The following ASS1 variants were observed in gnomAD, a reference collection of about 807,000 sequenced individuals.
The protein encoded by ASS1 is argininosuccinate synthase.
In ASS1, 58 loss-of-function variants were observed where a neutral mutation model predicts 60.5. The observed-to-expected ratio is 0.96, with a 90% CI of 0.78 to 1.19. ASS1 has a LOEUF of 1.19. ASS1 is among the 50% of genes most tolerant of loss of function. The probability of loss-of-function intolerance (pLI) is 0.00; values close to 1 mark genes in which losing one functional copy is unlikely to be tolerated. For synonymous variants in ASS1, 200 were observed against 206.9 expected (o/e 0.97, Z 0.29); for missense variants, 454 against 547.3 (o/e 0.83, Z 1.70).
In ASS1 at chr9:130,470,913, C is replaced by A. The variant is rs1445034997; in HGVS notation, c.566+9C>A. Reference sequence around the variant, plus strand: ...AACCTCATGCACATCAGGTAAATCCCACCCTCCACCCATCCTTGGTCCTCC... The same window carrying A: ...AACCTCATGCACATCAGGTAAATCCAACCCTCCACCCATCCTTGGTCCTCC... On this transcript the variant is annotated intron_variant, in intron 7 of 14. Transcript: ENST00000352480. The surrounding 1 kb of genome is among the most constrained non-coding windows in gnomAD (Gnocchi z 4.3). The A allele has an allele frequency of 1.2e-6, 2 of 1,613,622 alleles. No homozygotes were observed. Among genetic ancestry groups the A allele is most frequent in the Non-Finnish European group, 1.7e-6 (2 of 1,179,704 alleles).
chr9:130,447,560 C>T (rs1845224213), intron 1 of ASS1, among the ~76,000 whole-genome samples: 1 of 152,236 alleles, frequency 6.6e-6, no homozygotes, highest in Non-Finnish European at 1.5e-5. Flanking sequence ...TGACGCGAGG[C>T]CACCTTCCCT....
intron 4 of ASS1, among the ~76,000 whole-genome samples, chr9:130,461,106 G>A (rs1845580294): frequency 6.6e-6 from 1 of 152,138 alleles, no homozygotes; most frequent in Non-Finnish European, 1.5e-5. Flanking sequence ...CAAGCCGAGG[G>A]CAGGGGATCA....
intron 8 of ASS1, among the ~76,000 whole-genome samples, chr9:130,472,117 G>A (rs1348855420): frequency 6.6e-6 from 1 of 152,180 alleles, no homozygotes; most frequent in African/African-American, 2.4e-5. Context: ...GGGAGGCAGG[G>A]CCAAATCTAT....
At chr9:130,457,444 C>G (rs1845472643) in intron 3 of ASS1, among the ~76,000 whole-genome samples, 1 of 152,128 alleles carries the variant, frequency 6.6e-6, no homozygotes, top group Non-Finnish European at 1.5e-5. Flanking sequence ...GCACTCCAGT[C>G]TGGATGACAG....
chr9:130,496,710 G>A (rs78577407), intron 13 of ASS1, among the ~76,000 whole-genome samples: 157 of 152,284 alleles, frequency 1.0e-3, no homozygotes, highest in African/African-American at 3.3e-3. Context: ...GGGCCCTGGT[G>A]AGCCAGGGCA....
rs760904592 is a variant in ASS1, at chr9:130,470,548, G to A, written c.496-286G>A. 2.4e-4 allele frequency among the ~76,000 whole-genome samples: 36 copies of A among 152,334 alleles called. No homozygotes were observed. Among genetic ancestry groups the A allele is most frequent in the Non-Finnish European group, 4.7e-4 (32 of 68,030 alleles). On this transcript the variant is annotated intron_variant, in intron 6 of 14. Transcript: ENST00000352480. The surrounding 1 kb of genome is among the most constrained non-coding windows in gnomAD (Gnocchi z 4.3). Reference sequence around the variant, plus strand: ...AGACCTGGCTGGGCATGGCACCTGCGTGCTTGCTCAGTGCTTCAGGGGTCC... The same window carrying A: ...AGACCTGGCTGGGCATGGCACCTGCATGCTTGCTCAGTGCTTCAGGGGTCC...
In ASS1 at chr9:130,489,326, T is replaced by C. The variant is rs760391509; in HGVS notation, c.839-7T>C. The C allele has an allele frequency of 1.4e-5, 23 of 1,613,290 alleles. No homozygotes were observed. The highest frequency in any genetic ancestry group is 3.3e-5 in the South Asian group (3 of 91,052). ...CTCCTTTTCCCCCTGCCTGGAAAAA[T>C]GGCTAGGTATCTACGAGACCCCAGC... On this transcript the variant is annotated splice_region_variant and splice_polypyrimidine_tract_variant and intron_variant, in intron 11 of 14. Transcript: ENST00000352480. This position sits in a 1 kb window ranked among gnomAD's most constrained non-coding sequence, Gnocchi z 4.1.
chr9:130,463,046 C>T (rs1318255227), intron 4 of ASS1, among the ~76,000 whole-genome samples: 1 of 152,250 alleles, frequency 6.6e-6, no homozygotes, highest in African/African-American at 2.4e-5. Context: ...GTGAGGCCAG[C>T]CCAAGGCCTG....
chr9:130,461,783 C>G lies in ASS1; in HGVS notation c.364-2328C>G, dbSNP rs372637288. 3.0e-3 allele frequency among the ~76,000 whole-genome samples: 462 copies of G among 152,300 alleles called. 2 individuals are homozygous for G. Among genetic ancestry groups the G allele is most frequent in the African/African-American group, 0.01 (435 of 41,570 alleles). Reference sequence around the variant, plus strand: ...TGGTCCAGCCTTCAGGCATTTACCCCCTGAGTAACCACCCAGCACCACCAT... The same window carrying G: ...TGGTCCAGCCTTCAGGCATTTACCCGCTGAGTAACCACCCAGCACCACCAT... On this transcript the variant is annotated intron_variant, in intron 4 of 14. Transcript: ENST00000352480.
intron 5 of ASS1, among the ~76,000 whole-genome samples, chr9:130,465,058 T>TATA (rs1564906951): frequency 4.3e-4 from 56 of 130,024 alleles, no homozygotes; most frequent in Middle Eastern, 4.0e-3. Flanking sequence ...ATATATATAT[T>TATA]TTTTTTTTTT....
chr9:130,476,763 G>A lies in ASS1; in HGVS notation c.598-108G>A, dbSNP rs962163911. 9.2e-7 allele frequency: 1 copy of A among 1,089,924 alleles called. No individual in the cohort carries two copies. The allele number at this position is 1,089,924 out of a possible 1,614,324, so 67.5% of individuals were successfully genotyped here. On this transcript the variant is annotated intron_variant, in intron 8 of 14. Coordinates refer to ENST00000352480, the MANE Select transcript of ASS1 (RefSeq NM_054012.4). This position sits in a 1 kb window ranked among gnomAD's most constrained non-coding sequence, Gnocchi z 4.9. ...GGGGATCTGCCGGACCCCACCAGCT[G>A]GTGGGGAAATGGACAGAGGAGAGGG...
Position 130,467,135 on chromosome 9 carries a change from T to C in ASS1, c.495+336T>C, listed in dbSNP as rs1845762223. 2.0e-5 allele frequency among the ~76,000 whole-genome samples: 3 copies of C among 152,130 alleles called. No homozygotes were observed. The South Asian group carries it at 6.2e-4, about 32-fold the overall frequency. On this transcript the variant is annotated intron_variant, in intron 6 of 14. Coordinates refer to ENST00000352480, the MANE Select transcript of ASS1 (RefSeq NM_054012.4). ...TTGCCACCTCCGCAGTGTGTGTGTC[T>C]TGGTGTGTGTCACTTGGGGGGATGG...
intron 6 of ASS1, among the ~76,000 whole-genome samples, chr9:130,469,077 G>A (rs1213034166): frequency 6.6e-6 from 1 of 152,170 alleles, no homozygotes. Flanking sequence ...TCACGCCACC[G>A]CCCAAAAACA....
At position 130,466,806 on chromosome 9, in the gene ASS1, C is replaced by T. The variant is rs774671008; in HGVS notation, c.495+7C>T. The T allele has an allele frequency of 6.2e-7, 1 of 1,613,790 alleles. No individual in the cohort carries two copies. The highest frequency in any genetic ancestry group is 8.5e-7 in the Non-Finnish European group (1 of 1,179,754). ...CCTGATGGAGTACGCAAAGGTATGG[C>T]CGAGTCTCCCCACCACCCCCAACCT... On this transcript the variant is annotated splice_region_variant and intron_variant, in intron 6 of 14. Coordinates refer to ENST00000352480, the MANE Select transcript of ASS1 (RefSeq NM_054012.4).
Position 130,451,620 on chromosome 9 carries a change from T to C in ASS1, c.-5-604T>C, listed in dbSNP as rs1441780448. The C allele has an allele frequency of 3.1e-5, 11 of 353,694 alleles. No homozygotes were observed. In the East Asian group the frequency reaches 8.2e-4, roughly 26 times the overall value. 21.9% of individuals were successfully genotyped at this position (353,694 alleles called of 1,614,324 possible). ...CCTGCAGGTGGGCGGCGGCACTGCG[T>C]GCTGGGGAAGCACAGATTCTTGTGC... is the stretch of plus-strand genomic sequence containing the variant. On this transcript the variant is annotated intron_variant, in intron 1 of 14. Coordinates refer to ENST00000352480, the MANE Select transcript of ASS1 (RefSeq NM_054012.4).
intron 11 of ASS1, among the ~76,000 whole-genome samples, chr9:130,480,705 C>T (rs1846150022): frequency 6.6e-6 from 1 of 152,154 alleles, no homozygotes; most frequent in Non-Finnish European, 1.5e-5. Context: ...CCTGGGGAGT[C>T]TCCGAGGAGC....
chr9:130,466,171 C>T (rs368823215), intron 5 of ASS1, among the ~76,000 whole-genome samples: 5 of 152,194 alleles, frequency 3.3e-5, no homozygotes, highest in East Asian at 3.9e-4. Context: ...AGGGCTGAGT[C>T]GGGGGCTCTT....
rs923279941 is a variant in ASS1, at chr9:130,459,914, G to A, written c.363+1325G>A. Among the ~76,000 whole-genome samples the A allele has an allele frequency of 2.0e-5, 3 of 152,248 alleles. No individual in the cohort carries two copies. In the East Asian group the frequency reaches 5.8e-4, roughly 29 times the overall value. ...TGGGGTGCAAGACAGGAAGCCCCCTGCCTGCTGCTCTTCGGAAGGCAGTCC... is the reference window on the plus strand; with the variant it reads ...TGGGGTGCAAGACAGGAAGCCCCCTACCTGCTGCTCTTCGGAAGGCAGTCC... On this transcript the variant is annotated intron_variant, in intron 4 of 14. Transcript: ENST00000352480. This position sits in a 1 kb window ranked among gnomAD's most constrained non-coding sequence, Gnocchi z 4.6.
Position 130,494,102 on chromosome 9 carries a change from T to C in ASS1, c.971-765T>C, listed in dbSNP as rs147270383. Among the ~76,000 whole-genome samples, 48 of 152,034 alleles carry C rather than the reference T, an allele frequency of 3.2e-4. 2 individuals carry two copies. The East Asian group carries it at 9.1e-3, about 29-fold the overall frequency. On this transcript the variant is annotated intron_variant, in intron 12 of 14. Coordinates refer to ENST00000352480, the MANE Select transcript of ASS1 (RefSeq NM_054012.4). This position sits in a 1 kb window ranked among gnomAD's most constrained non-coding sequence, Gnocchi z 4.3. Reference sequence around the variant, plus strand: ...CCAGAAAGGGGAGAGGCTAAGAGAGTTTCTCTCAGAGTGCTGTCTATGAGG... The same window carrying C: ...CCAGAAAGGGGAGAGGCTAAGAGAGCTTCTCTCAGAGTGCTGTCTATGAGG...
Sources: allele counts gnomAD v4.1 joint callset (sites outside exome capture counted in the v4.1 genomes callset), GRCh38; gene constraint gnomAD v4.1.1; non-coding constraint Gnocchi (gnomAD v3.1); transcripts MANE v1.5; gene names NCBI Gene and HGNC (gene_info 2026-07-23, HGNC 2026-07-21).